Variants in SGCG observed in about 807,000 individuals in gnomAD.
SGCG encodes the protein sarcoglycan gamma.
In SGCG, 26 loss-of-function variants were observed where a neutral mutation model predicts 29.3. The observed-to-expected ratio is 0.89, with a 90% confidence interval of 0.65 to 1.23. The LOEUF (loss-of-function observed/expected upper bound fraction) is 1.23. SGCG is among the 50% of genes most tolerant of loss of function. SGCG has a pLI of 0.00. For synonymous variants in SGCG, 145 were observed against 129.7 expected (o/e 1.12, Z -0.80); for missense variants, 353 against 356.0 (o/e 0.99, Z 0.07).
chr13:23,259,637 G>A (rs1034701906), intron 4 of SGCG, among the ~76,000 whole-genome samples: 1 of 152,092 alleles, frequency 6.6e-6, no homozygotes, highest in Non-Finnish European at 1.5e-5. Context: ...TGTGATGTTA[G>A]GGTGTTAATT....
intron 4 of SGCG, among the ~76,000 whole-genome samples, chr13:23,260,062 G>C (rs1880364562): frequency 6.6e-6 from 1 of 152,080 alleles, no homozygotes; most frequent in South Asian, 2.1e-4. Flanking sequence ...TATTAGGTCA[G>C]GTTGCTACAG....
chr13:23,294,980 G>A (rs937063945), intron 5 of SGCG, among the ~76,000 whole-genome samples: 5 of 152,094 alleles, frequency 3.3e-5, no homozygotes, highest in African/African-American at 1.2e-4. Flanking sequence ...AATATTTAAA[G>A]CTTTTAATTT....
Position 23,299,444 on chromosome 13 carries a change from ATATATATATATATT to A in SGCG, c.578+3959_578+3972del, listed in dbSNP as rs1305986332. Among the ~76,000 whole-genome samples the A allele has an allele frequency of 1.1e-3, 6 of 5,632 alleles. 1 individual carries two copies. Among genetic ancestry groups the A allele is most frequent in the African/African-American group, 3.5e-3 (6 of 1,736 alleles). 3.7% of individuals were successfully genotyped at this position (5,632 alleles called of 152,430 possible). A position where few individuals can be genotyped will look rare whatever the true frequency, so the allele number is the denominator to read the frequency against. ...TATATATATATATATATATATATATATATATATATATATTTTTTTTTTTTTTTTAGTCGGAGTCT... is the reference window on the plus strand; with the variant it reads ...TATATATATATATATATATATATATATTTTTTTTTTTTTTAGTCGGAGTCT... On this transcript the variant is annotated intron_variant, in intron 6 of 7. Coordinates refer to ENST00000218867, the MANE Select transcript of SGCG (RefSeq NM_000231.3).
chr13:23,210,993 A>T (rs1001123022), intron 2 of SGCG, among the ~76,000 whole-genome samples: 1 of 152,148 alleles, frequency 6.6e-6, no homozygotes, highest in Non-Finnish European at 1.5e-5. Flanking sequence ...CCAAATTCAA[A>T]CCCAACTGAA....
chr13:23,249,550 GC>G (rs1238392775), intron 3 of SGCG, among the ~76,000 whole-genome samples: 3 of 73,264 alleles, frequency 4.1e-5, no homozygotes, highest in Non-Finnish European at 7.5e-5. Context: ...GACAAGTAAA[GC>G]GAAAAAAATG....
rs1351701541 is a variant in SGCG, at chr13:23,211,472, G to A, written c.195+7583G>A. Among the ~76,000 whole-genome samples the A allele has an allele frequency of 6.6e-5, 10 of 152,252 alleles. No homozygotes were observed. The South Asian group carries it at 1.2e-3, about 19-fold the overall frequency. On this transcript the variant is annotated intron_variant, in intron 2 of 7. Transcript: ENST00000218867. Reference sequence around the variant, plus strand: ...GGAGAGGGGGTAGAAAAGTGGAGAGGAGAGCTTGACCCCCCCTTTCACCAT... The same window carrying A: ...GGAGAGGGGGTAGAAAAGTGGAGAGAAGAGCTTGACCCCCCCTTTCACCAT...
intron 2 of SGCG, among the ~76,000 whole-genome samples, chr13:23,222,541 C>T (rs4770413): frequency 0.71 from 107,651 of 152,126 alleles, 38,409 homozygotes; most frequent in East Asian, 0.92. Flanking sequence ...AAGAGCATTT[C>T]TTGGCCAGGC....
intron 3 of SGCG, among the ~76,000 whole-genome samples, chr13:23,237,762 C>T (rs1879365391): frequency 7.0e-6 from 1 of 143,632 alleles, no homozygotes; most frequent in South Asian, 2.2e-4. Flanking sequence ...CACAGTGGAA[C>T]ATAAAACTTG....
In SGCG at chr13:23,319,278, T is replaced by C. The variant is rs1882945431; in HGVS notation, c.579-1359T>C. 8.1e-5 allele frequency among the ~76,000 whole-genome samples: 12 copies of C among 147,338 alleles called. No individual in the cohort carries two copies. In the Admixed American group the frequency reaches 8.3e-4, roughly 10 times the overall value. On this transcript the variant is annotated intron_variant, in intron 6 of 7. Transcript: ENST00000218867. ...ACACCACTGTATTCTCTAGCCTGGGTGACAGAGCAAGACTCCGTCTCAAAA... is the reference window on the plus strand; with the variant it reads ...ACACCACTGTATTCTCTAGCCTGGGCGACAGAGCAAGACTCCGTCTCAAAA...
At chr13:23,300,391 G>A (rs1225145812) in intron 6 of SGCG, among the ~76,000 whole-genome samples, 1 of 152,200 alleles carries the variant, frequency 6.6e-6, no homozygotes, top group Admixed American at 6.5e-5. Flanking sequence ...GAGACTAGCT[G>A]CTGAGACATT....
At chr13:23,299,872 A>G (rs752842960) in intron 6 of SGCG, among the ~76,000 whole-genome samples, 9 of 152,200 alleles carry the variant, frequency 5.9e-5, no homozygotes, top group Non-Finnish European at 1.3e-4. Context: ...AAAGTCAGCA[A>G]AAGTGTATTA....
chr13:23,288,588 A>T (rs1490152720), intron 5 of SGCG, among the ~76,000 whole-genome samples: 1 of 152,226 alleles, frequency 6.6e-6, no homozygotes, highest in Non-Finnish European at 1.5e-5. Flanking sequence ...CAATTTCAGC[A>T]GTTCAGTCTG....
At chr13:23,261,320 G>T (rs1033829503) in intron 4 of SGCG, among the ~76,000 whole-genome samples, 4 of 151,744 alleles carry the variant, frequency 2.6e-5, no homozygotes, top group Non-Finnish European at 5.9e-5. Flanking sequence ...AAACCAGTCA[G>T]AACTTTTGGA....
At chr13:23,291,011 T>C (rs543156541) in intron 5 of SGCG, among the ~76,000 whole-genome samples, 1 of 152,276 alleles carries the variant, frequency 6.6e-6, no homozygotes, top group South Asian at 2.1e-4. Context: ...CACAGTCTTA[T>C]TACAGATCTT....
chr13:23,318,240 T>G (rs144089274), intron 6 of SGCG, among the ~76,000 whole-genome samples: 1 of 152,128 alleles, frequency 6.6e-6, no homozygotes, highest in Non-Finnish European at 1.5e-5. Context: ...ATCCTACTAG[T>G]TATGTCCCTC....
intron 1 of SGCG, among the ~76,000 whole-genome samples, chr13:23,186,649 C>G: frequency 6.6e-6 from 1 of 152,160 alleles, no homozygotes; most frequent in East Asian, 1.9e-4. Context: ...TGAAGTATCC[C>G]CCATCCTCAC....
chr13:23,167,287 G>C, the SGCG span, among the ~76,000 whole-genome samples: 1 of 152,030 alleles, frequency 6.6e-6, no homozygotes, highest in Admixed American at 6.6e-5. Context: ...CATTTTCTTT[G>C]TGGCACATTT....
intron 2 of SGCG, among the ~76,000 whole-genome samples, chr13:23,222,100 T>C (rs11148693): frequency 0.099 from 15,019 of 152,258 alleles, 1,012 homozygotes; most frequent in East Asian, 0.37. Context: ...GCCTAGATGT[T>C]TCCCCATGTA....
At chr13:23,226,805 GAA>G (rs1425133192) in intron 2 of SGCG, among the ~76,000 whole-genome samples, 1 of 152,182 alleles carries the variant, frequency 6.6e-6, no homozygotes, top group Non-Finnish European at 1.5e-5. Context: ...TTAGGAAGAT[GAA>G]AAGAGTTCTG....
Sources: allele counts gnomAD v4.1 joint callset (sites outside exome capture counted in the v4.1 genomes callset), GRCh38; gene constraint gnomAD v4.1.1; transcripts MANE v1.5; gene names NCBI Gene and HGNC (gene_info 2026-07-23, HGNC 2026-07-21).